The following SGCZ variants were observed in gnomAD, a reference collection of about 807,000 sequenced individuals.
The protein encoded by SGCZ is sarcoglycan zeta, also known as zeta-sarcoglycan.
A neutral mutation model predicts 41.3 loss-of-function variants in SGCZ; 40 were observed. That is an observed-to-expected ratio of 0.97 (90% CI 0.75 to 1.26). The LOEUF is 1.26. SGCZ is among the 50% of genes most tolerant of loss of function. SGCZ has a pLI of 0.00. For synonymous variants in SGCZ, 206 were observed against 137.5 expected (o/e 1.50, Z -3.49); for missense variants, 552 against 369.8 (o/e 1.49, Z -4.04).
intron 1 of SGCZ, among the ~76,000 whole-genome samples, chr8:14,977,342 T>C (rs1222629130): frequency 1.3e-5 from 2 of 152,184 alleles, no homozygotes; most frequent in African/African-American, 2.4e-5. Flanking sequence ...GAACATTTGC[T>C]TAATGACTAA....
At chr8:14,325,745 CACATAT>C (rs1235554418) in intron 2 of SGCZ, among the ~76,000 whole-genome samples, 18 of 25,496 alleles carry the variant, frequency 7.1e-4, no homozygotes, top group East Asian at 5.7e-3. Context: ...CACACACACA[CACATAT>C]ATATATATAT....
chr8:14,123,453 A>G (rs1802760930), intron 5 of SGCZ, among the ~76,000 whole-genome samples: 1 of 152,170 alleles, frequency 6.6e-6, no homozygotes, highest in Non-Finnish European at 1.5e-5. Context: ...CTTAATATAG[A>G]GAGATTTGAA....
At chr8:14,321,149 G>C (rs1056219276) in intron 3 of SGCZ, among the ~76,000 whole-genome samples, 1 of 152,012 alleles carries the variant, frequency 6.6e-6, no homozygotes, top group Non-Finnish European at 1.5e-5. Context: ...TATTGTTCTT[G>C]TCTGAATAGT....
At chr8:14,459,088 T>A (rs1250218929) in intron 2 of SGCZ, among the ~76,000 whole-genome samples, 1 of 152,164 alleles carries the variant, frequency 6.6e-6, no homozygotes, top group Admixed American at 6.5e-5. Context: ...TGGTTATAAC[T>A]TGCATAAATA....
intron 1 of SGCZ, among the ~76,000 whole-genome samples, chr8:14,599,872 C>A (rs578016024): frequency 6.6e-6 from 1 of 152,290 alleles, no homozygotes; most frequent in African/African-American, 2.4e-5. Context: ...TGACTCCACA[C>A]TCTTTACATT....
In SGCZ at chr8:14,292,385, T is replaced by C. The variant is rs185180398; in HGVS notation, c.336+31718A>G. Among the ~76,000 whole-genome samples the C allele has an allele frequency of 1.5e-3, 231 of 152,070 alleles. 1 individual carries two copies. Among genetic ancestry groups the C allele is most frequent in the African/African-American group, 5.4e-3 (226 of 41,528 alleles). Reference sequence around the variant, plus strand: ...AGCTCCTGAGACAATTACCATGACATATAATGATGCCTCAGGTAAAATTTA... The same window carrying C: ...AGCTCCTGAGACAATTACCATGACACATAATGATGCCTCAGGTAAAATTTA... On this transcript the variant is annotated intron_variant, in intron 3 of 7. Coordinates refer to ENST00000382080, the MANE Select transcript of SGCZ (RefSeq NM_139167.4).
intron 1 of SGCZ, among the ~76,000 whole-genome samples, chr8:15,117,190 T>A (rs1049669764): frequency 1.3e-5 from 2 of 152,180 alleles, no homozygotes; most frequent in South Asian, 4.1e-4. Context: ...AAACCCCGTC[T>A]CTACTAAAAA....
chr8:14,603,993 G>A (rs1049563840), intron 1 of SGCZ, among the ~76,000 whole-genome samples: 28 of 151,832 alleles, frequency 1.8e-4, no homozygotes, highest in African/African-American at 6.5e-4. Context: ...ATAGCAAACT[G>A]CCCTAAAAGT....
chr8:14,473,915 G>C (rs867329215), intron 2 of SGCZ, among the ~76,000 whole-genome samples: 73 of 148,632 alleles, frequency 4.9e-4, no homozygotes, highest in Admixed American at 2.7e-4. Flanking sequence ...TCCAGCCTGG[G>C]CGACAGAGCA....
intron 1 of SGCZ, among the ~76,000 whole-genome samples, chr8:14,624,602 G>A (rs1361983298): frequency 1.7e-5 from 2 of 116,730 alleles, no homozygotes; most frequent in Non-Finnish European, 3.2e-5. Context: ...ACGGAGTCTC[G>A]CTCTGTCGCC....
chr8:14,377,197 C>T (rs1804163543), intron 2 of SGCZ, among the ~76,000 whole-genome samples: 1 of 152,176 alleles, frequency 6.6e-6, no homozygotes, highest in Non-Finnish European at 1.5e-5. Context: ...ATTGAGTAAT[C>T]ACCAAGAGCC....
chr8:14,118,400 A>T (rs1802590985), intron 5 of SGCZ, among the ~76,000 whole-genome samples: 1 of 151,890 alleles, frequency 6.6e-6, no homozygotes, highest in Non-Finnish European at 1.5e-5. Flanking sequence ...TCCTTCACCC[A>T]CTTTTTGATG....
At chr8:14,392,801 C>T (rs1585444351) in intron 2 of SGCZ, among the ~76,000 whole-genome samples, 1 of 146,842 alleles carries the variant, frequency 6.8e-6, no homozygotes, top group African/African-American at 2.6e-5. Flanking sequence ...ATATTTAAGA[C>T]TTTTAACTTG....
intron 1 of SGCZ, among the ~76,000 whole-genome samples, chr8:14,900,966 G>C (rs1188307113): frequency 1.3e-5 from 2 of 152,252 alleles, no homozygotes; most frequent in East Asian, 3.9e-4. Context: ...TCTGTGGACT[G>C]TGATAGTCTA....
chr8:14,428,159 CACACAT>C (rs1799842206), intron 2 of SGCZ, among the ~76,000 whole-genome samples: 1 of 151,480 alleles, frequency 6.6e-6, no homozygotes, highest in African/African-American at 2.4e-5. Flanking sequence ...TACACACACA[CACACAT>C]ACACACATGC....
chr8:14,104,890 G>A (rs1036455220), intron 6 of SGCZ, among the ~76,000 whole-genome samples: 1 of 152,048 alleles, frequency 6.6e-6, no homozygotes, highest in Non-Finnish European at 1.5e-5. Flanking sequence ...CTTGGATTCT[G>A]TAAAATGAAT....
chr8:14,535,227 T>C (rs1803257293), intron 2 of SGCZ, among the ~76,000 whole-genome samples: 1 of 151,966 alleles, frequency 6.6e-6, no homozygotes. Flanking sequence ...AAATGTTCTG[T>C]GTTTTGAAAA....
chr8:14,949,456 G>A (rs1446249694), intron 1 of SGCZ, among the ~76,000 whole-genome samples: 1 of 152,128 alleles, frequency 6.6e-6, no homozygotes, highest in African/African-American at 2.4e-5. Flanking sequence ...GTAAAGAGAA[G>A]ACTGATTTCA....
At chr8:14,441,187 G>C (rs1338315328) in intron 2 of SGCZ, among the ~76,000 whole-genome samples, 1 of 152,090 alleles carries the variant, frequency 6.6e-6, no homozygotes, top group Non-Finnish European at 1.5e-5. Flanking sequence ...TTGAAAACTT[G>C]TTTCTGTAAA....
Sources: gnomAD v4.1 joint callset for allele counts (sites outside exome capture counted in the v4.1 genomes callset) on GRCh38, gnomAD v4.1.1 for gene constraint, MANE v1.5 for transcripts, NCBI Gene and HGNC (gene_info 2026-07-23, HGNC 2026-07-21) for gene names.